NTRK2: variants seen among roughly 807,000 people sequenced by gnomAD.
The protein encoded by NTRK2 is neurotrophic receptor tyrosine kinase 2.
Under a neutral mutation model 94.5 loss-of-function variants are expected in NTRK2, and 13 were observed. That is an observed-to-expected ratio of 0.14 (90% confidence interval 0.09 to 0.22). NTRK2 has a LOEUF of 0.22. Among genes scored for constraint, NTRK2 ranks in the 10% least tolerant of loss-of-function variants. The pLI, the probability that NTRK2 is intolerant of heterozygous loss-of-function variation, is 1.00. For synonymous variants in NTRK2, 372 were observed against 407.4 expected (o/e 0.91, Z 1.05); for missense variants, 639 against 1,071.2 (o/e 0.60, Z 5.63).
Position 84,670,958 on chromosome 9 carries a change from A to C in NTRK2, c.210A>C (p.Glu70Asp). 6.3e-7 allele frequency: 1 copy of C among 1,584,264 alleles called. No homozygotes were observed. Among genetic ancestry groups the C allele is most frequent in the Non-Finnish European group, 8.5e-7 (1 of 1,171,948 alleles). ...GTGTAGATCCTGAGAACATCACCGA[A>C]ATGTGAGTTCCTGGAGCTTTTCCTC... ...PNSVDPENIT[E>D]IFIANQKRLE... Residue 70 changes from glutamate to aspartate, a missense_variant and splice_region_variant, in exon 2 of 19, where the codon GAA (glutamate) becomes GAC (aspartate). Physicochemically the swap from Glu to Asp is conservative, Grantham distance 45 (BLOSUM62 2). Transcript: ENST00000277120.
rs1391070392 is a variant in NTRK2 at position 84,976,704 on chromosome 9, G to C, written c.2172+21187G>C. On this transcript the variant is annotated intron_variant, in intron 17 of 18. Transcript: ENST00000277120. The stretch of plus-strand genomic sequence containing the variant: ...GCTGGCCAGCTTGCTCTGTTTGACA[G>C]AGGTAGCAAGGCCCTGATCCCACAA... Among the ~76,000 whole-genome samples, 6 of 152,052 alleles carry C rather than the reference G, an allele frequency of 3.9e-5. No individual in the cohort carries two copies. The South Asian group carries it at 1.2e-3, about 32-fold the overall frequency.
chr9:84,851,946 A>T (rs1454875270), intron 12 of NTRK2, among the ~76,000 whole-genome samples: 1 of 152,256 alleles, frequency 6.6e-6, no homozygotes, highest in Non-Finnish European at 1.5e-5. Context: ...ATAAATACGT[A>T]GCAGAAATTG....
chr9:84,809,742 C>T (rs1401973238), intron 12 of NTRK2, among the ~76,000 whole-genome samples: 2 of 151,564 alleles, frequency 1.3e-5, no homozygotes, highest in Admixed American at 6.6e-5. Context: ...ATTAGCCGCG[C>T]GTGGTGGCAC....
chr9:84,719,622 G>A (rs1324272700), intron 6 of NTRK2, among the ~76,000 whole-genome samples: 1 of 152,044 alleles, frequency 6.6e-6, no homozygotes, highest in Non-Finnish European at 1.5e-5. Context: ...TTCATCAGTG[G>A]GGTCTGGCTA....
intron 10 of NTRK2, among the ~76,000 whole-genome samples, chr9:84,743,062 A>G (rs561329902): frequency 6.6e-6 from 1 of 152,218 alleles, no homozygotes; most frequent in South Asian, 2.1e-4. Context: ...TGGCCTCCCA[A>G]AATGCTGGGA....
intron 17 of NTRK2, among the ~76,000 whole-genome samples, chr9:85,017,280 A>T (rs1355553401): frequency 6.6e-6 from 1 of 152,208 alleles, no homozygotes; most frequent in South Asian, 2.1e-4. Flanking sequence ...TGCCTGCTTG[A>T]GTAAATACCT....
intron 6 of NTRK2, among the ~76,000 whole-genome samples, chr9:84,719,442 A>G (rs1312593795): frequency 6.6e-6 from 1 of 152,314 alleles, no homozygotes. Context: ...AAAAACCCAC[A>G]TTAGATTTTA....
At chr9:84,958,259 A>G (rs963155122) in intron 17 of NTRK2, among the ~76,000 whole-genome samples, 12 of 152,320 alleles carry the variant, frequency 7.9e-5, no homozygotes, top group African/African-American at 2.9e-4. Context: ...CCTGAATTAT[A>G]TCTCAAAAAA....
At chr9:84,717,015 C>T (rs2061749559) in intron 6 of NTRK2, among the ~76,000 whole-genome samples, 1 of 152,032 alleles carries the variant, frequency 6.6e-6, no homozygotes, top group Non-Finnish European at 1.5e-5. Context: ...GAAGATATGA[C>T]AAGGAGGTGG....
chr9:84,980,822 T>A (rs943646661), intron 17 of NTRK2, among the ~76,000 whole-genome samples: 21 of 152,228 alleles, frequency 1.4e-4, no homozygotes, highest in Non-Finnish European at 3.1e-4. Context: ...TGATGCCAAA[T>A]GTGAGCCTCA....
intron 17 of NTRK2, among the ~76,000 whole-genome samples, chr9:85,000,032 G>A (rs925599747): frequency 6.6e-6 from 1 of 152,154 alleles, no homozygotes; most frequent in African/African-American, 2.4e-5. Flanking sequence ...TCTAAGAGAG[G>A]AACCCGAGAC....
At chr9:84,834,789 G>A (rs528709841) in intron 12 of NTRK2, among the ~76,000 whole-genome samples, 146 of 152,296 alleles carry the variant, frequency 9.6e-4, no homozygotes, top group African/African-American at 3.3e-3. Context: ...GATCTGTGCT[G>A]TCATATAGCT....
intron 2 of NTRK2, among the ~76,000 whole-genome samples, chr9:84,678,475 A>G (rs59086508): frequency 1.2e-3 from 177 of 152,334 alleles, no homozygotes; most frequent in African/African-American, 4.2e-3. Flanking sequence ...AATCTTTGTA[A>G]CAAGAGTTGT....
intron 14 of NTRK2, among the ~76,000 whole-genome samples, chr9:84,929,719 G>A (rs547815394): frequency 6.2e-4 from 94 of 152,108 alleles, no homozygotes; most frequent in Non-Finnish European, 8.4e-4. Flanking sequence ...ATGCCACCAT[G>A]TCCGTTTAAT....
intron 8 of NTRK2, among the ~76,000 whole-genome samples, chr9:84,725,978 T>C (rs1243446758): frequency 6.6e-6 from 1 of 152,146 alleles, no homozygotes; most frequent in African/African-American, 2.4e-5. Flanking sequence ...TTGGGTCCTT[T>C]TATCGGCTTT....
intron 15 of NTRK2, among the ~76,000 whole-genome samples, chr9:84,939,252 A>G (rs529951932): frequency 1.3e-5 from 2 of 152,164 alleles, no homozygotes; most frequent in South Asian, 4.1e-4. Context: ...ATATAGATAT[A>G]TAGAGCTAAT....
intron 12 of NTRK2, among the ~76,000 whole-genome samples, chr9:84,773,070 A>C (rs959059415): frequency 6.6e-6 from 1 of 152,190 alleles, no homozygotes; most frequent in African/African-American, 2.4e-5. Context: ...AGCTCCTGCC[A>C]AGCCTTTTTT....
intron 9 of NTRK2, among the ~76,000 whole-genome samples, chr9:84,733,100 C>T (rs1588233652): frequency 6.6e-6 from 1 of 152,170 alleles, no homozygotes; most frequent in Non-Finnish European, 1.5e-5. Context: ...CCTTCTCTGG[C>T]AAGGGTCAGG....
At chr9:84,891,923 G>GTT (rs34263467) in intron 14 of NTRK2, among the ~76,000 whole-genome samples, 14 of 147,738 alleles carry the variant, frequency 9.5e-5, no homozygotes, top group African/African-American at 2.7e-4. Flanking sequence ...ACTAAAACTG[G>GTT]TTTTTTTTTT....
Sources: gnomAD v4.1 joint callset for allele counts (sites outside exome capture counted in the v4.1 genomes callset) on GRCh38, gnomAD v4.1.1 for gene constraint, MANE v1.5 for transcripts, NCBI Gene and HGNC (gene_info 2026-07-23, HGNC 2026-07-21) for gene names.